Variants in DLG2 observed in about 807,000 individuals in gnomAD.
DLG2 encodes the protein discs large MAGUK scaffold protein 2, also known as disks large homolog 2.
A neutral mutation model predicts 132.5 loss-of-function variants in DLG2; 45 were observed. The observed-to-expected ratio is 0.34, with a 90% confidence interval of 0.27 to 0.44. DLG2 has a LOEUF of 0.44. DLG2 is among the 20% of genes least tolerant of loss of function. The probability of loss-of-function intolerance (pLI) is 1.00; values close to 1 mark genes in which losing one functional copy is unlikely to be tolerated. For synonymous variants in DLG2, 424 were observed against 419.6 expected (o/e 1.01, Z -0.13); for missense variants, 1,045 against 1,196.9 (o/e 0.87, Z 1.87).
chr11:84,666,648 G>C (rs2099700049), intron 6 of DLG2, among the ~76,000 whole-genome samples: 1 of 152,048 alleles, frequency 6.6e-6, no homozygotes, highest in East Asian at 1.9e-4. Flanking sequence ...AATTGGATGT[G>C]TGTATACACA....
At chr11:84,184,644 C>G (rs1371411647) in intron 8 of DLG2, among the ~76,000 whole-genome samples, 1 of 152,022 alleles carries the variant, frequency 6.6e-6, no homozygotes, top group African/African-American at 2.4e-5. Flanking sequence ...AAGTCCTTGC[C>G]CATGCCTATG....
At chr11:84,990,127 TG>T (rs1308825779) in intron 6 of DLG2, among the ~76,000 whole-genome samples, 1 of 152,198 alleles carries the variant, frequency 6.6e-6, no homozygotes, top group African/African-American at 2.4e-5. Context: ...CCACGATATG[TG>T]AAGAACTCCA....
chr11:85,443,016 C>A (rs1040937951), intron 3 of DLG2, among the ~76,000 whole-genome samples: 1 of 151,750 alleles, frequency 6.6e-6, no homozygotes. Context: ...CAATATACAA[C>A]GGGGGGAAAT....
At chr11:83,625,850 C>T (rs2062429468) in intron 19 of DLG2, among the ~76,000 whole-genome samples, 1 of 152,210 alleles carries the variant, frequency 6.6e-6, no homozygotes, top group South Asian at 2.1e-4. Flanking sequence ...GTAGAGCCTG[C>T]ATCCTGAGGA....
chr11:84,220,084 G>A (rs1218402892), intron 8 of DLG2, among the ~76,000 whole-genome samples: 2 of 152,014 alleles, frequency 1.3e-5, no homozygotes, highest in Non-Finnish European at 2.9e-5. Context: ...AAAAATAATC[G>A]TTCCCTCTAT....
At chr11:84,615,686 T>C (rs1269539246) in intron 6 of DLG2, among the ~76,000 whole-genome samples, 1 of 151,680 alleles carries the variant, frequency 6.6e-6, no homozygotes, top group Non-Finnish European at 1.5e-5. Flanking sequence ...AATATTGCTA[T>C]CTATCAAAAT....
chr11:84,395,600 T>C (rs1644750876), intron 7 of DLG2, among the ~76,000 whole-genome samples: 1 of 152,170 alleles, frequency 6.6e-6, no homozygotes. Context: ...GTATGTTTTC[T>C]AAAGGCAGGG....
chr11:85,212,402 A>G (rs532109250), intron 4 of DLG2, among the ~76,000 whole-genome samples: 1 of 152,142 alleles, frequency 6.6e-6, no homozygotes, highest in Non-Finnish European at 1.5e-5. Context: ...GTAAAAAATG[A>G]ATGGGTTTGA....
At chr11:85,127,271 T>C (rs560534077) in intron 5 of DLG2, among the ~76,000 whole-genome samples, 3 of 117,430 alleles carry the variant, frequency 2.6e-5, no homozygotes, top group East Asian at 5.9e-4. Context: ...TTTCTATCTC[T>C]CTCTCTCTCC....
chr11:84,573,090 A>C (rs1390961574), intron 6 of DLG2, among the ~76,000 whole-genome samples: 1 of 152,184 alleles, frequency 6.6e-6, no homozygotes, highest in Non-Finnish European at 1.5e-5. Context: ...GGTTGTTGTT[A>C]ATAAGCCACT....
At chr11:83,954,110 G>A (rs1216339146) in intron 14 of DLG2, among the ~76,000 whole-genome samples, 1 of 152,172 alleles carries the variant, frequency 6.6e-6, no homozygotes, top group Non-Finnish European at 1.5e-5. Flanking sequence ...GAGCACATAG[G>A]AAATGATAAA....
intron 6 of DLG2, among the ~76,000 whole-genome samples, chr11:84,567,544 A>G (rs982704877): frequency 2.0e-5 from 3 of 151,774 alleles, no homozygotes; most frequent in African/African-American, 4.8e-5. Flanking sequence ...CTGAAATAAC[A>G]CATCTTCTTT....
chr11:85,503,923 C>T (rs1393790940), intron 3 of DLG2, among the ~76,000 whole-genome samples: 2 of 152,024 alleles, frequency 1.3e-5, no homozygotes, highest in African/African-American at 4.8e-5. Context: ...CACAGTGAGA[C>T]CCTGTCTCAA....
rs184642027 is a variant in DLG2, at chr11:83,991,540, T to C, written c.920-10898A>G. On this transcript the variant is annotated intron_variant, in intron 11 of 27. Coordinates refer to ENST00000376104, the MANE Select transcript of DLG2 (RefSeq NM_001142699.3). ...CTTTACTTTTTTCTTTTTTCTTTTT[T>C]TCTCTCTCTCTCTCTAGAGTATTCA... Among the ~76,000 whole-genome samples, 110 of 151,824 alleles carry C rather than the reference T, an allele frequency of 7.2e-4. No homozygotes were observed. In the Middle Eastern group the frequency reaches 0.01, roughly 14 times the overall value.
chr11:85,196,563 G>A (rs911927903), intron 4 of DLG2, among the ~76,000 whole-genome samples: 1 of 152,024 alleles, frequency 6.6e-6, no homozygotes, highest in Non-Finnish European at 1.5e-5. Context: ...CAAAAAAGTG[G>A]GAAGTTTAAA....
intron 3 of DLG2, among the ~76,000 whole-genome samples, chr11:85,338,383 T>C (rs2082266500): frequency 6.6e-6 from 1 of 152,226 alleles, no homozygotes; most frequent in Admixed American, 6.5e-5. Context: ...AGTATTCAAT[T>C]ATGATAATGT....
chr11:84,411,562 CTT>C (rs60348213), intron 7 of DLG2, among the ~76,000 whole-genome samples: 3 of 146,374 alleles, frequency 2.0e-5, no homozygotes. Context: ...ATCTGTGGTA[CTT>C]TTTTTTTTTG....
At chr11:84,208,564 G>A (rs909265971) in intron 8 of DLG2, among the ~76,000 whole-genome samples, 3 of 151,928 alleles carry the variant, frequency 2.0e-5, no homozygotes, top group African/African-American at 7.3e-5. Context: ...GGCTGGTCTC[G>A]AACTACTGAA....
chr11:84,889,881 G>C (rs765117882), intron 6 of DLG2, among the ~76,000 whole-genome samples: 1 of 152,142 alleles, frequency 6.6e-6, no homozygotes, highest in Non-Finnish European at 1.5e-5. Flanking sequence ...CAAGACACAT[G>C]GCAGATGAGG....
Sources: gnomAD v4.1 joint callset for allele counts (sites outside exome capture counted in the v4.1 genomes callset) on GRCh38, gnomAD v4.1.1 for gene constraint, MANE v1.5 for transcripts, NCBI Gene and HGNC (gene_info 2026-07-23, HGNC 2026-07-21) for gene names.